RGS6: variants seen among roughly 807,000 people sequenced by gnomAD.
RGS6 encodes the protein regulator of G-protein signaling 6.
Under a neutral mutation model 78.5 loss-of-function variants are expected in RGS6, and 30 were observed. The observed-to-expected ratio is 0.38, with a 90% CI of 0.29 to 0.52. The LOEUF is 0.52. Ranked by LOEUF, RGS6 falls within the 20% of genes least tolerant of loss-of-function variation. The probability of loss-of-function intolerance (pLI) is 0.85; values close to 1 mark genes in which losing one functional copy is unlikely to be tolerated. For synonymous variants in RGS6, 206 were observed against 206.0 expected (o/e 1.00, Z 0.00); for missense variants, 495 against 609.7 (o/e 0.81, Z 1.98).
At chr14:71,885,769 GTC>G in the RGS6 span, among the ~76,000 whole-genome samples, 128,828 of 152,072 alleles carry the variant, frequency 0.85, 54,776 homozygotes, top group African/African-American at 0.91. Context: ...TTCCAATGCT[GTC>G]TCTACTTTTA....
At chr14:72,438,650 C>T (rs1309179570) in intron 3 of RGS6, among the ~76,000 whole-genome samples, 1 of 152,224 alleles carries the variant, frequency 6.6e-6, no homozygotes, top group African/African-American at 2.4e-5. Flanking sequence ...AACCCATTTG[C>T]TTCTCTTGAT....
intron 2 of RGS6, among the ~76,000 whole-genome samples, chr14:72,141,799 A>G (rs2096543090): frequency 6.6e-6 from 1 of 152,098 alleles, no homozygotes; most frequent in South Asian, 2.1e-4. Context: ...TAGGACCATA[A>G]GATTCATGTT....
At chr14:72,539,185 G>A (rs2097288722) in intron 16 of RGS6, among the ~76,000 whole-genome samples, 1 of 152,182 alleles carries the variant, frequency 6.6e-6, no homozygotes, top group African/African-American at 2.4e-5. Flanking sequence ...GTAGAGGGAG[G>A]CTAGGCCTGG....
chr14:72,029,374 ACT>A (rs2090462320), intron 2 of RGS6, among the ~76,000 whole-genome samples: 1 of 152,052 alleles, frequency 6.6e-6, no homozygotes, highest in Admixed American at 6.6e-5. Flanking sequence ...GATGCATCAG[ACT>A]CTGTGTCCTC....
the RGS6 span, among the ~76,000 whole-genome samples, chr14:71,911,431 G>C: frequency 6.6e-6 from 1 of 152,168 alleles, no homozygotes; most frequent in Non-Finnish European, 1.5e-5. Context: ...TTTTCATAGG[G>C]AAAATGAGCA....
intron 2 of RGS6, among the ~76,000 whole-genome samples, chr14:72,349,829 C>T (rs542651006): frequency 6.6e-6 from 1 of 152,278 alleles, no homozygotes; most frequent in East Asian, 1.9e-4. Flanking sequence ...ATCTAATGTC[C>T]ACTCCGGGGT....
chr14:72,404,009 G>C (rs1657830858), intron 3 of RGS6, among the ~76,000 whole-genome samples: 1 of 152,172 alleles, frequency 6.6e-6, no homozygotes, highest in Admixed American at 6.5e-5. Flanking sequence ...TTCAAAGTTT[G>C]GTTGGTAATG....
At chr14:72,447,390 C>T (rs1436414451) in intron 3 of RGS6, among the ~76,000 whole-genome samples, 1 of 152,156 alleles carries the variant, frequency 6.6e-6, no homozygotes, top group Non-Finnish European at 1.5e-5. Context: ...AGCCACAATG[C>T]CCTCCTCATT....
At chr14:72,101,475 T>TA (rs1471369982) in intron 2 of RGS6, among the ~76,000 whole-genome samples, 7 of 152,232 alleles carry the variant, frequency 4.6e-5, no homozygotes, top group African/African-American at 1.7e-4. Flanking sequence ...TCTGAGCACT[T>TA]AGAGAATACT....
intron 2 of RGS6, among the ~76,000 whole-genome samples, chr14:72,224,101 G>C (rs1233407152): frequency 1.3e-5 from 2 of 152,200 alleles, no homozygotes; most frequent in East Asian, 3.8e-4. Flanking sequence ...TTAAGAGGAA[G>C]AAAATTTCAA....
chr14:71,931,942 C>A (rs2087897121), upstream of RGS6, among the ~76,000 whole-genome samples: 1 of 152,202 alleles, frequency 6.6e-6, no homozygotes, highest in Non-Finnish European at 1.5e-5. Context: ...AGGTTAGGAA[C>A]AATATCGCTG....
At chr14:71,948,738 CTCTTTT>C (rs1485110001) in intron 1 of RGS6, among the ~76,000 whole-genome samples, 184 of 75,216 alleles carry the variant, frequency 2.4e-3, no homozygotes, top group Admixed American at 3.1e-3. Context: ...CTCTCTCTCT[CTCTTTT>C]TTTTTTTTTT....
At chr14:71,869,007 G>A in the RGS6 span, among the ~76,000 whole-genome samples, 2 of 152,166 alleles carry the variant, frequency 1.3e-5, no homozygotes, top group African/African-American at 4.8e-5. Flanking sequence ...TTGAGATTAA[G>A]CAGTCAGCTG....
At chr14:72,200,985 AAAG>A (rs905671616) in intron 2 of RGS6, among the ~76,000 whole-genome samples, 5 of 149,230 alleles carry the variant, frequency 3.4e-5, no homozygotes, top group African/African-American at 1.2e-4. Flanking sequence ...AAAAAAAAAA[AAAG>A]AAGAAGAAAA....
At chr14:72,108,711 A>G (rs1245371834) in intron 2 of RGS6, among the ~76,000 whole-genome samples, 1 of 152,030 alleles carries the variant, frequency 6.6e-6, no homozygotes, top group Non-Finnish European at 1.5e-5. Flanking sequence ...AAGCCTTTTT[A>G]AGAACATTTC....
chr14:72,009,479 C>T (rs953237269), intron 2 of RGS6, among the ~76,000 whole-genome samples: 3 of 152,170 alleles, frequency 2.0e-5, no homozygotes, highest in East Asian at 1.9e-4. Flanking sequence ...GATTCCACAG[C>T]GAGAGAACTC....
At position 72,505,487 on chromosome 14, in the gene RGS6, G is replaced by T. The variant is rs559750179; in HGVS notation, c.966-4667G>T. On this transcript the variant is annotated intron_variant, in intron 13 of 17. Coordinates refer to ENST00000553525, the MANE Select transcript of RGS6 (RefSeq NM_001204424.2). ...CTGCCTCCTAATACGATCACATTGT[G>T]GATCAAGATTTCAATGTATTAATTT... 2.2e-4 allele frequency among the ~76,000 whole-genome samples: 34 copies of T among 152,220 alleles called. No individual in the cohort carries two copies. In the South Asian group the frequency reaches 7.1e-3, roughly 32 times the overall value.
At chr14:72,290,114 G>T (rs184406861) in intron 2 of RGS6, among the ~76,000 whole-genome samples, 1 of 152,222 alleles carries the variant, frequency 6.6e-6, no homozygotes, top group East Asian at 1.9e-4. Flanking sequence ...AGAAATCCTA[G>T]GACGATCAAT....
chr14:71,912,943 A>G, the RGS6 span, among the ~76,000 whole-genome samples: 1 of 151,886 alleles, frequency 6.6e-6, no homozygotes, highest in Non-Finnish European at 1.5e-5. Context: ...CTCCTGCCTC[A>G]GCCTCCCGGG....
Sources: allele counts gnomAD v4.1 joint callset (sites outside exome capture counted in the v4.1 genomes callset), GRCh38; gene constraint gnomAD v4.1.1; transcripts MANE v1.5; gene names NCBI Gene and HGNC (gene_info 2026-07-23, HGNC 2026-07-21).